Variants in TMEM130 observed in about 807,000 individuals in gnomAD.
The protein encoded by TMEM130 is transmembrane protein 130.
Under a neutral mutation model 42.9 loss-of-function variants are expected in TMEM130, and 37 were observed. The observed-to-expected ratio is 0.86, with a 90% CI of 0.66 to 1.13. The LOEUF is 1.13. Among genes scored for constraint, TMEM130 ranks in the 50% most tolerant of loss-of-function variants. TMEM130 has a pLI of 0.00. For synonymous variants in TMEM130, 259 were observed against 237.7 expected (o/e 1.09, Z -0.82); for missense variants, 545 against 562.6 (o/e 0.97, Z 0.32).
chr7:98,869,071 A>G lies in TMEM130; in HGVS notation c.85+706T>C. The G allele has an allele frequency of 1.3e-6, 1 of 760,798 alleles. No individual in the cohort carries two copies. The highest frequency in any genetic ancestry group is 1.8e-6 in the Non-Finnish European group (1 of 561,112). The allele number at this position is 760,798 out of a possible 1,614,324, so 47.1% of individuals were successfully genotyped here. A position where few individuals can be genotyped will look rare whatever the true frequency, so the allele number is the denominator to read the frequency against. On this transcript the variant is annotated intron_variant, in intron 1 of 7. Transcript: ENST00000339375. This position sits in a 1 kb window ranked among gnomAD's most constrained non-coding sequence, Gnocchi z 4.7. Reference sequence around the variant, plus strand: ...TGCCCACGTCCCATCTGTCCCTCGAATAGTCTTAAATCTGGGTCCTTTTAT... The same window carrying G: ...TGCCCACGTCCCATCTGTCCCTCGAGTAGTCTTAAATCTGGGTCCTTTTAT...
At chr7:98,855,400 C>T (rs1325148860) in intron 4 of TMEM130, 76 bp from the exon 5 acceptor site, 41 of 1,315,628 alleles carry the variant, frequency 3.1e-5, no homozygotes, top group Middle Eastern at 1.9e-4. Context: ...CAGGGTGGTG[C>T]GACTGCCACC....
In TMEM130 at chr7:98,869,244, C is replaced by T. The variant is rs1554401024; in HGVS notation, c.85+533G>A. On this transcript the variant is annotated intron_variant, in intron 1 of 7. Coordinates refer to ENST00000339375, the MANE Select transcript of TMEM130 (RefSeq NM_152913.3). The surrounding 1 kb of genome is among the most constrained non-coding windows in gnomAD (Gnocchi z 4.7). ...AGCTCCGGGTCCATTTTGGAAATCA[C>T]CACCAGAGAGGAAATGGCAGCCTGG... 7.8e-7 allele frequency: 1 copy of T among 1,289,042 alleles called. No individual in the cohort carries two copies. Among genetic ancestry groups the T allele is most frequent in the South Asian group, 1.2e-5 (1 of 80,988 alleles). 79.9% of individuals were successfully genotyped at this position (1,289,042 alleles called of 1,614,324 possible).
chr7:98,849,291 G>A (rs1304279186), intron 6 of TMEM130, among the ~76,000 whole-genome samples: 1 of 152,176 alleles, frequency 6.6e-6, no homozygotes, highest in Non-Finnish European at 1.5e-5. Flanking sequence ...TCATGCTAAT[G>A]CTGACCTGCA....
rs1171411517 is a variant in TMEM130, at chr7:98,846,750, GCT to G, written c.*1304_*1305del. The G allele has an allele frequency of 6.6e-6, 1 of 152,174 alleles. No homozygotes were observed. Among genetic ancestry groups the G allele is most frequent in the African/African-American group, 2.4e-5 (1 of 41,390 alleles). 9.4% of individuals were successfully genotyped at this position (152,174 alleles called of 1,614,324 possible). ...GGTGCAGGCTGGTTCCGCTGCTCAG[GCT>G]CTGTCATCCTGCTTCTTCCTTCTCA... On this transcript the variant is annotated 3_prime_UTR_variant, in exon 8 of 8. Coordinates refer to ENST00000339375, the MANE Select transcript of TMEM130 (RefSeq NM_152913.3).
At chr7:98,864,819 G>A (rs1794872227) in intron 1 of TMEM130, among the ~76,000 whole-genome samples, 1 of 152,150 alleles carries the variant, frequency 6.6e-6, no homozygotes, top group Non-Finnish European at 1.5e-5. Flanking sequence ...GGAATCGCTG[G>A]AACCCAAGAG....
At chr7:98,865,533 G>A (rs782175643) in intron 1 of TMEM130, among the ~76,000 whole-genome samples, 51 of 152,006 alleles carry the variant, frequency 3.4e-4, no homozygotes, top group African/African-American at 8.2e-4. Flanking sequence ...GCTTGAACCC[G>A]GAAGGCAGAG....
chr7:98,864,114 A>G (rs187384676), intron 1 of TMEM130, among the ~76,000 whole-genome samples: 1 of 151,710 alleles, frequency 6.6e-6, no homozygotes, highest in Non-Finnish European at 1.5e-5. Flanking sequence ...CCCAAATTAT[A>G]TTTTGTTTTT....
At chr7:98,863,500 G>A (rs1794836124) in intron 1 of TMEM130, 100 bp from the exon 2 acceptor site, 3 of 1,230,570 alleles carry the variant, frequency 2.4e-6, no homozygotes, top group East Asian at 2.6e-5. Flanking sequence ...TTCCCAGGTG[G>A]AGAAACTGAG....
chr7:98,851,755 C>T (rs1181123050), intron 5 of TMEM130, 132 bp from the exon 6 acceptor site: 1 of 773,804 alleles, frequency 1.3e-6, no homozygotes, highest in South Asian at 1.9e-5. Context: ...CCGTCCTGGA[C>T]TCAGCTTCAT....
rs530536553 is a variant in TMEM130 at position 98,858,230 on chromosome 7, C to T, written c.551+1949G>A. ...GAATGTTCGTTTCTGTTCATACTAA[C>T]GCTTTTTTGGCATCTAAAGAGATGA... On this transcript the variant is annotated intron_variant, in intron 3 of 7. Transcript: ENST00000339375. Among the ~76,000 whole-genome samples the T allele has an allele frequency of 5.9e-5, 9 of 152,142 alleles. No homozygotes were observed. In the South Asian group the frequency reaches 8.3e-4, roughly 14 times the overall value.
intron 2 of TMEM130, among the ~76,000 whole-genome samples, chr7:98,862,830 C>T (rs1794814526): frequency 6.6e-6 from 1 of 152,142 alleles, no homozygotes; most frequent in Admixed American, 6.6e-5. Flanking sequence ...CCAACAGTAC[C>T]TATTGACCAG....
intron 6 of TMEM130, among the ~76,000 whole-genome samples, chr7:98,849,882 T>C (rs1422406900): frequency 2.0e-5 from 3 of 151,908 alleles, no homozygotes; most frequent in Non-Finnish European, 4.4e-5. Flanking sequence ...TCCTACTCTA[T>C]GTAAGGAAGT....
At chr7:98,850,089 G>A (rs1469862946) in intron 6 of TMEM130, among the ~76,000 whole-genome samples, 2 of 150,292 alleles carry the variant, frequency 1.3e-5, no homozygotes, top group African/African-American at 2.4e-5. Context: ...TCACTCTGTC[G>A]CTCAGGCTGG....
At chr7:98,853,444 A>G (rs973503531) in intron 5 of TMEM130, among the ~76,000 whole-genome samples, 2 of 152,160 alleles carry the variant, frequency 1.3e-5, no homozygotes, top group African/African-American at 2.4e-5. Flanking sequence ...CCTGGCCGAC[A>G]TGATGAAACC....
chr7:98,850,273 A>ATTTTTTTTTTTTTTTTTTTT (rs1554398023), intron 6 of TMEM130, among the ~76,000 whole-genome samples: 4 of 35,458 alleles, frequency 1.1e-4, no homozygotes, highest in Non-Finnish European at 1.9e-4. Flanking sequence ...ATATATATAT[A>ATTTTTTTTTTTTTTTTTTTT]TTTTTTTTTT....
intron 1 of TMEM130, among the ~76,000 whole-genome samples, chr7:98,864,432 G>T (rs1167975814): frequency 6.7e-6 from 1 of 149,112 alleles, no homozygotes; most frequent in Non-Finnish European, 1.5e-5. Context: ...GCCCAGCCTG[G>T]TCTCGAACTC....
intron 1 of TMEM130, among the ~76,000 whole-genome samples, chr7:98,867,233 G>T (rs1172873587): frequency 6.6e-6 from 1 of 152,160 alleles, no homozygotes; most frequent in Non-Finnish European, 1.5e-5. Flanking sequence ...AGCTGTGATG[G>T]GAGCTTTTCC....
chr7:98,864,384 T>C (rs1554400355), intron 1 of TMEM130, among the ~76,000 whole-genome samples: 1 of 149,602 alleles, frequency 6.7e-6, no homozygotes, highest in East Asian at 1.9e-4. Flanking sequence ...TTTTTTTCTT[T>C]TTTTTTTTTT....
Position 98,869,977 on chromosome 7 carries a change from G to C in TMEM130, c.-116C>G. On this transcript the variant is annotated 5_prime_UTR_variant, in exon 1 of 8. Transcript: ENST00000339375. This position sits in a 1 kb window ranked among gnomAD's most constrained non-coding sequence, Gnocchi z 4.7. ...CAGCGCGGGCGGTGCGGGGAGGTGCGGGCGCCGTGCTCGCTCGTCCTCGCC... is the reference window on the plus strand; with the variant it reads ...CAGCGCGGGCGGTGCGGGGAGGTGCCGGCGCCGTGCTCGCTCGTCCTCGCC... The C allele has an allele frequency of 1.5e-6, 1 of 649,504 alleles. No homozygotes were observed. The highest frequency in any genetic ancestry group is 7.6e-5 in the South Asian group (1 of 13,110). 40.2% of individuals were successfully genotyped at this position (649,504 alleles called of 1,614,324 possible). A position where few individuals can be genotyped will look rare whatever the true frequency, so the allele number is the denominator to read the frequency against.
Sources: allele counts gnomAD v4.1 joint callset (sites outside exome capture counted in the v4.1 genomes callset), GRCh38; gene constraint gnomAD v4.1.1; non-coding constraint Gnocchi (gnomAD v3.1); transcripts MANE v1.5; gene names NCBI Gene and HGNC (gene_info 2026-07-23, HGNC 2026-07-21).